Variants in EDN1 observed in about 807,000 individuals in gnomAD.
EDN1 encodes the protein endothelin 1, also known as endothelin-1.
EDN1 carries 11 observed loss-of-function variants against 21.7 expected under a neutral mutation model. The observed-to-expected ratio is 0.51, with a 90% CI of 0.32 to 0.84. The LOEUF is 0.84. EDN1 is among the 40% of genes least tolerant of loss of function. EDN1 has a pLI of 0.03. For synonymous variants in EDN1, 85 were observed against 90.6 expected (o/e 0.94, Z 0.35); for missense variants, 244 against 262.3 (o/e 0.93, Z 0.48).
chr6:12,252,004 G>A, the EDN1 span, among the ~76,000 whole-genome samples: 82,414 of 151,982 alleles, frequency 0.54, 22,356 homozygotes, highest in South Asian at 0.75. Flanking sequence ...AAAACTTGGT[G>A]TTATATTATT....
At chr6:12,252,901 A>T in the EDN1 span, among the ~76,000 whole-genome samples, 1 of 152,208 alleles carries the variant, frequency 6.6e-6, no homozygotes, top group African/African-American at 2.4e-5. Context: ...GAAAAAGAAG[A>T]AAAAGAAGAA....
chr6:12,260,638 C>A, the EDN1 span, among the ~76,000 whole-genome samples: 2 of 152,130 alleles, frequency 1.3e-5, no homozygotes, highest in African/African-American at 4.8e-5. Flanking sequence ...TTGTTCCCTG[C>A]GAAACTCACT....
At chr6:12,288,629 C>T (rs781668704), upstream of EDN1, among the ~76,000 whole-genome samples, 71 of 152,156 alleles carry the variant, frequency 4.7e-4, no homozygotes, top group Non-Finnish European at 9.6e-4. Flanking sequence ...CCAACTCTTG[C>T]TTCAGTGGCT....
chr6:12,245,909 C>T, the EDN1 span, among the ~76,000 whole-genome samples: 1 of 152,186 alleles, frequency 6.6e-6, no homozygotes, highest in African/African-American at 2.4e-5. Flanking sequence ...TTTAAAATGT[C>T]ATGCCCATAT....
chr6:12,292,562 C>G, intron 2 of EDN1, 53 bp downstream of exon 2: 2 of 1,595,394 alleles, frequency 1.3e-6, no homozygotes, highest in Non-Finnish European at 1.7e-6. Flanking sequence ...GCTGGCTCCA[C>G]TGGAGCCCAG....
At chr6:12,272,975 T>A in the EDN1 span, among the ~76,000 whole-genome samples, 3 of 152,218 alleles carry the variant, frequency 2.0e-5, no homozygotes, top group Non-Finnish European at 4.4e-5. Context: ...GGAACTGCTG[T>A]CACTGATCTA....
chr6:12,290,412 TC>T lies in EDN1; in HGVS notation c.-215del. The stretch of plus-strand genomic sequence containing the variant: ...CGAACGGGTCCTGCGCCTCCTGCAG[TC>T]CCAGCTCTCCACCGCCGCGTGCGCC... On this transcript the variant is annotated 5_prime_UTR_variant, in exon 1 of 5. Coordinates refer to ENST00000379375, the MANE Select transcript of EDN1 (RefSeq NM_001955.5). 1.7e-6 allele frequency: 1 copy of T among 585,092 alleles called. No homozygotes were observed. The highest frequency in any genetic ancestry group is 3.0e-5 in the Admixed American group (1 of 33,648). 36.2% of individuals were successfully genotyped at this position (585,092 alleles called of 1,614,324 possible). A position where few individuals can be genotyped will look rare whatever the true frequency, so the allele number is the denominator to read the frequency against.
At chr6:12,247,356 T>A in the EDN1 span, among the ~76,000 whole-genome samples, 1 of 152,252 alleles carries the variant, frequency 6.6e-6, no homozygotes, top group East Asian at 1.9e-4. Flanking sequence ...AACATGTTTC[T>A]GTATAACATG....
the EDN1 span, among the ~76,000 whole-genome samples, chr6:12,274,939 C>CTCCCTTCCTTCCTTCCTTCCT: frequency 3.0e-5 from 4 of 135,454 alleles, no homozygotes; most frequent in African/African-American, 1.1e-4. Flanking sequence ...TTTCTTCCTT[C>CTCCCTTCCTTCCTTCCTTCCT]TCCTTCCTTC....
the EDN1 span, among the ~76,000 whole-genome samples, chr6:12,274,817 C>A: frequency 6.6e-6 from 1 of 152,296 alleles, no homozygotes; most frequent in Admixed American, 6.5e-5. Context: ...TCAGCCCAAG[C>A]CTTCTAACTT....
the EDN1 span, among the ~76,000 whole-genome samples, chr6:12,266,118 G>A: frequency 3.3e-3 from 503 of 152,220 alleles, 2 homozygotes; most frequent in Non-Finnish European, 5.6e-3. Flanking sequence ...TTTGAGCCTT[G>A]GTTAGGTAAC....
chr6:12,283,224 C>T, the EDN1 span, among the ~76,000 whole-genome samples: 1 of 152,148 alleles, frequency 6.6e-6, no homozygotes, highest in Admixed American at 6.5e-5. Context: ...TATACTGTTT[C>T]CCTTTTCCCA....
chr6:12,273,970 G>A, the EDN1 span, among the ~76,000 whole-genome samples: 1 of 152,002 alleles, frequency 6.6e-6, no homozygotes, highest in East Asian at 1.9e-4. Context: ...AATAGAGGGT[G>A]GATTATTTTC....
the EDN1 span, among the ~76,000 whole-genome samples, chr6:12,278,827 G>A: frequency 6.6e-6 from 1 of 152,020 alleles, no homozygotes; most frequent in South Asian, 2.1e-4. Context: ...AACCCTGGAG[G>A]CGGAGGCTGC....
the EDN1 span, among the ~76,000 whole-genome samples, chr6:12,257,233 T>G: frequency 9.9e-5 from 15 of 152,222 alleles, no homozygotes; most frequent in Non-Finnish European, 2.2e-4. Flanking sequence ...GAAGGAGTAT[T>G]CAGATTTTCA....
chr6:12,277,301 C>G, the EDN1 span, among the ~76,000 whole-genome samples: 1 of 152,210 alleles, frequency 6.6e-6, no homozygotes, highest in African/African-American at 2.4e-5. Flanking sequence ...TTGAGAATTT[C>G]TGGCTTGGGC....
At chr6:12,287,354 C>T (rs915753898), upstream of EDN1, among the ~76,000 whole-genome samples, 9 of 152,030 alleles carry the variant, frequency 5.9e-5, no homozygotes, top group African/African-American at 2.2e-4. Flanking sequence ...TCTAGTTCTT[C>T]TCCCCGCATC....
At chr6:12,249,211 A>T in the EDN1 span, among the ~76,000 whole-genome samples, 1 of 151,864 alleles carries the variant, frequency 6.6e-6, no homozygotes, top group Non-Finnish European at 1.5e-5. Context: ...AGTAGCAAGG[A>T]TCTAGAATAC....
chr6:12,294,437 G>T (rs1762771198), intron 4 of EDN1, 33 bp downstream of exon 4: 1 of 1,613,292 alleles, frequency 6.2e-7, no homozygotes, highest in Non-Finnish European at 8.5e-7. Flanking sequence ...TAGGTAAGAG[G>T]TTCACAAGAA....
Sources: gnomAD v4.1 joint callset for allele counts (sites outside exome capture counted in the v4.1 genomes callset) on GRCh38, gnomAD v4.1.1 for gene constraint, MANE v1.5 for transcripts, NCBI Gene and HGNC (gene_info 2026-07-23, HGNC 2026-07-21) for gene names.